Variants in ZNF451 observed in about 807,000 individuals in gnomAD.
ZNF451 encodes zinc finger protein 451, also known as E3 SUMO-protein ligase ZNF451.
Under a neutral mutation model 107.1 loss-of-function variants are expected in ZNF451, and 80 were observed. That is an observed-to-expected ratio of 0.75 (90% CI 0.62 to 0.90). ZNF451 has a LOEUF of 0.90. ZNF451 is among the 40% of genes least tolerant of loss of function. The pLI, the probability that ZNF451 is intolerant of heterozygous loss-of-function variation, is 0.00. For missense variants in ZNF451, 1,107 were observed against 1,236.2 expected (o/e 0.90, Z 1.57); for synonymous variants, 362 against 406.5 (o/e 0.89, Z 1.32).
chr6:57,136,236 G>T (rs1047077018), intron 7 of ZNF451, among the ~76,000 whole-genome samples: 2 of 152,114 alleles, frequency 1.3e-5, no homozygotes, highest in African/African-American at 4.8e-5. Context: ...CTTGATATTG[G>T]CAAGAAGAAA....
At chr6:57,096,419 C>T (rs1829315269) in intron 2 of ZNF451, among the ~76,000 whole-genome samples, 1 of 151,732 alleles carries the variant, frequency 6.6e-6, no homozygotes. Flanking sequence ...TTCCTGACCT[C>T]AGGCAATTCG....
intron 3 of ZNF451, among the ~76,000 whole-genome samples, chr6:57,113,810 A>G (rs983644873): frequency 1.7e-4 from 26 of 151,602 alleles, no homozygotes; most frequent in Non-Finnish European, 3.4e-4. Flanking sequence ...TTTAGTAGAG[A>G]TGGGGTTTCA....
chr6:57,102,510 A>G lies in ZNF451; in HGVS notation c.186+3369A>G, dbSNP rs1464492676. On this transcript the variant is annotated intron_variant, in intron 3 of 14. Transcript: ENST00000370706. ...TACTAGATGTCTGTTTACTAAGACCAGAGGTAAATCCTTAACTTTTAGGTT... is the reference window on the plus strand; with the variant it reads ...TACTAGATGTCTGTTTACTAAGACCGGAGGTAAATCCTTAACTTTTAGGTT... 4 of 991,384 alleles carry G rather than the reference A, an allele frequency of 4.0e-6. No individual in the cohort carries two copies. The African/African-American group carries it at 5.2e-5, about 13-fold the overall frequency. The allele number at this position is 991,384 out of a possible 1,614,324, so 61.4% of individuals were successfully genotyped here.
intron 14 of ZNF451, among the ~76,000 whole-genome samples, chr6:57,164,435 T>G (rs758901661): frequency 9.9e-5 from 15 of 152,204 alleles, no homozygotes; most frequent in Non-Finnish European, 1.5e-4. Context: ...TATTTACTTA[T>G]ATGTTCATCT....
In ZNF451 at chr6:57,142,265, G is replaced by A. The variant is rs565285866; in HGVS notation, c.1004+170G>A. Among the ~76,000 whole-genome samples the A allele has an allele frequency of 1.3e-4, 20 of 152,310 alleles. No individual in the cohort carries two copies. In the South Asian group the frequency reaches 3.1e-3, roughly 24 times the overall value. ...GAGAGAAGTTAGAGTTGTGGAAAAC[G>A]TGGATATATTGATATTCTGCAAGTG... On this transcript the variant is annotated intron_variant, in intron 9 of 14. Coordinates refer to ENST00000370706, the MANE Select transcript of ZNF451 (RefSeq NM_001031623.3).
intron 3 of ZNF451, among the ~76,000 whole-genome samples, chr6:57,117,426 T>C (rs2127953846): frequency 1.3e-5 from 2 of 152,182 alleles, no homozygotes; most frequent in South Asian, 4.1e-4. Flanking sequence ...ACAATTGTAG[T>C]AAATAATGAC....
intron 3 of ZNF451, chr6:57,108,519 A>T: frequency 1.0e-6 from 1 of 982,682 alleles, no homozygotes; most frequent in Non-Finnish European, 1.2e-6. Flanking sequence ...TTTTCAATTC[A>T]TTTTTTTTTA....
At chr6:57,105,073 A>G (rs1562592281) in intron 3 of ZNF451, 1 of 985,328 alleles carries the variant, frequency 1.0e-6, no homozygotes, top group Non-Finnish European at 1.2e-6. Context: ...GATTTGGTCT[A>G]GGGAGATTAC....
chr6:57,114,921 T>C (rs944901771), intron 3 of ZNF451: 1 of 152,204 alleles, frequency 6.6e-6, no homozygotes, highest in African/African-American at 2.4e-5. Flanking sequence ...TATAGCTTTC[T>C]AGATTTTATT....
chr6:57,100,531 C>A, intron 3 of ZNF451: 1 of 1,415,348 alleles, frequency 7.1e-7, no homozygotes, highest in Non-Finnish European at 9.3e-7. Context: ...TGAATCTCTG[C>A]ACTTGAAAGT....
At chr6:57,160,414 A>G (rs1219039526) in intron 13 of ZNF451, among the ~76,000 whole-genome samples, 1 of 151,636 alleles carries the variant, frequency 6.6e-6, no homozygotes, top group Admixed American at 6.6e-5. Context: ...GCTCACTGCA[A>G]CCTCCACCTC....
In ZNF451 at chr6:57,168,613, G is replaced by A; in HGVS notation, c.*144G>A. 1 of 678,968 alleles carries A rather than the reference G, an allele frequency of 1.5e-6. No individual in the cohort carries two copies. Among genetic ancestry groups the A allele is most frequent in the Non-Finnish European group, 2.5e-6 (1 of 396,094 alleles). The allele number at this position is 678,968 out of a possible 1,614,324, so 42.1% of individuals were successfully genotyped here. A position where few individuals can be genotyped will look rare whatever the true frequency, so the allele number is the denominator to read the frequency against. On this transcript the variant is annotated 3_prime_UTR_variant, in exon 15 of 15. Coordinates refer to ENST00000370706, the MANE Select transcript of ZNF451 (RefSeq NM_001031623.3). ...TTTTGCTTTCATATGTTCAAAATCT[G>A]ATCTTTGTTTTGTATTTTTGTGCTA...
intron 7 of ZNF451, among the ~76,000 whole-genome samples, chr6:57,139,783 C>G (rs745387013): frequency 7.8e-4 from 118 of 152,138 alleles, no homozygotes; most frequent in Admixed American, 6.5e-4. Context: ...TGGCTTATGC[C>G]TGTAATCTCA....
chr6:57,124,945 A>T, intron 4 of ZNF451, 86 bp downstream of exon 4: 1 of 958,808 alleles, frequency 1.0e-6, no homozygotes, highest in Non-Finnish European at 1.4e-6. Flanking sequence ...AAAAAAAGAT[A>T]TGATTTAATC....
At chr6:57,127,926 A>C (rs1400713575) in intron 4 of ZNF451, among the ~76,000 whole-genome samples, 1 of 152,162 alleles carries the variant, frequency 6.6e-6, no homozygotes, top group East Asian at 1.9e-4. Context: ...CTATAAACAA[A>C]GATTTATTGG....
chr6:57,105,018 A>G (rs1321001087), intron 3 of ZNF451: 1 of 982,958 alleles, frequency 1.0e-6, no homozygotes, highest in Non-Finnish European at 1.2e-6. Flanking sequence ...TTATTTTAAA[A>G]TCTCTGGCAT....
intron 2 of ZNF451, among the ~76,000 whole-genome samples, chr6:57,095,326 C>CT (rs764972958): frequency 0.014 from 1,532 of 107,734 alleles, 17 homozygotes; most frequent in African/African-American, 0.025. Context: ...TTCTGTGATA[C>CT]TTTTTTTTTT....
intron 3 of ZNF451, chr6:57,105,141 G>A (rs1829789120): frequency 2.0e-6 from 2 of 985,242 alleles, no homozygotes; most frequent in African/African-American, 1.7e-5. Context: ...TGCCTGCCAT[G>A]TTCAGAACCT....
intron 2 of ZNF451, among the ~76,000 whole-genome samples, chr6:57,096,165 T>C (rs894822561): frequency 2.0e-5 from 3 of 149,284 alleles, no homozygotes; most frequent in East Asian, 2.0e-4. Context: ...TTTCTTCCTT[T>C]CTTTCTTTCT....
Sources: allele counts gnomAD v4.1 joint callset (sites outside exome capture counted in the v4.1 genomes callset), GRCh38; gene constraint gnomAD v4.1.1; transcripts MANE v1.5; gene names NCBI Gene and HGNC (gene_info 2026-07-23, HGNC 2026-07-21).